The following ESRRG variants were observed in gnomAD, a reference collection of about 807,000 sequenced individuals.
ESRRG encodes estrogen related receptor gamma.
Under a neutral mutation model 44.0 loss-of-function variants are expected in ESRRG, and 13 were observed. The ratio of observed to expected loss-of-function variants is 0.30; its 90% CI spans 0.19 to 0.47. The LOEUF (loss-of-function observed/expected upper bound fraction) is 0.47. ESRRG is among the 20% of genes least tolerant of loss of function. The pLI, the probability that ESRRG is intolerant of heterozygous loss-of-function variation, is 1.00. For synonymous variants in ESRRG, 215 were observed against 214.6 expected (o/e 1.00, Z -0.02); for missense variants, 395 against 580.6 (o/e 0.68, Z 3.29).
At chr1:216,539,300 T>G (rs1458415234) in intron 5 of ESRRG, among the ~76,000 whole-genome samples, 8 of 152,010 alleles carry the variant, frequency 5.3e-5, no homozygotes, top group African/African-American at 1.9e-4. Flanking sequence ...AATTTTCATA[T>G]ATATATATAT....
At chr1:216,776,420 C>A (rs1156825313) in intron 2 of ESRRG, among the ~76,000 whole-genome samples, 5 of 152,044 alleles carry the variant, frequency 3.3e-5, no homozygotes, top group Non-Finnish European at 7.4e-5. Flanking sequence ...CCAAGGATCC[C>A]AACCCTAGCC....
At chr1:217,027,691 A>C (rs528684791) in intron 1 of ESRRG, among the ~76,000 whole-genome samples, 200 of 152,328 alleles carry the variant, frequency 1.3e-3, no homozygotes, top group African/African-American at 4.4e-3. Context: ...CCATGCAAAA[A>C]GAAACTACCC....
chr1:216,504,627 C>G lies in ESRRG; in HGVS notation c.*2312G>C, dbSNP rs1277003602. 1.3e-5 allele frequency: 2 copies of G among 152,504 alleles called. No individual in the cohort carries two copies. The highest frequency in any genetic ancestry group is 2.9e-5 in the Non-Finnish European group (2 of 67,996). The allele number at this position is 152,504 out of a possible 1,614,324, so 9.4% of individuals were successfully genotyped here. On this transcript the variant is annotated 3_prime_UTR_variant, in exon 7 of 7. Transcript: ENST00000408911. ...AACGAATCTGCACCAAAAAGTTTTG[C>G]AACAACACAGAGCGAGTTAATAACA...
intron 1 of ESRRG, among the ~76,000 whole-genome samples, chr1:216,997,838 A>G (rs1212772781): frequency 6.6e-6 from 1 of 152,196 alleles, no homozygotes; most frequent in Non-Finnish European, 1.5e-5. Flanking sequence ...AGGAACCCAA[A>G]TTATTACATT....
intron 2 of ESRRG, among the ~76,000 whole-genome samples, chr1:216,890,931 C>T (rs2057701990): frequency 6.6e-6 from 1 of 152,168 alleles, no homozygotes; most frequent in Non-Finnish European, 1.5e-5. Flanking sequence ...CACCCAACTC[C>T]TGAACCTTCG....
intron 2 of ESRRG, among the ~76,000 whole-genome samples, chr1:216,878,074 G>A (rs1221349196): frequency 1.3e-5 from 2 of 152,214 alleles, no homozygotes; most frequent in Non-Finnish European, 2.9e-5. Flanking sequence ...CAACCTATGT[G>A]AGGAGTCTCA....
intron 2 of ESRRG, chr1:216,805,228 A>G (rs1256263607): frequency 6.6e-6 from 1 of 152,180 alleles, no homozygotes; most frequent in Non-Finnish European, 1.5e-5. Flanking sequence ...GTGACATGCA[A>G]CTGCAGAATC....
intron 2 of ESRRG, among the ~76,000 whole-genome samples, chr1:216,652,174 A>G (rs1167151275): frequency 6.6e-6 from 1 of 152,224 alleles, no homozygotes; most frequent in Non-Finnish European, 1.5e-5. Flanking sequence ...CGGTCCGAGC[A>G]TAATTGCAAT....
chr1:216,587,067 G>C (rs2056795841), intron 3 of ESRRG, among the ~76,000 whole-genome samples: 1 of 151,984 alleles, frequency 6.6e-6, no homozygotes, highest in Non-Finnish European at 1.5e-5. Flanking sequence ...ATATATCTGT[G>C]ATAAAATGAC....
At chr1:216,998,574 T>C (rs1264519848) in intron 1 of ESRRG, among the ~76,000 whole-genome samples, 1 of 152,236 alleles carries the variant, frequency 6.6e-6, no homozygotes, top group Non-Finnish European at 1.5e-5. Flanking sequence ...TATCCCTACA[T>C]AATTTAGCAT....
chr1:216,887,749 C>T (rs1357769866), intron 2 of ESRRG, among the ~76,000 whole-genome samples: 3 of 152,168 alleles, frequency 2.0e-5, no homozygotes, highest in Non-Finnish European at 2.9e-5. Flanking sequence ...TACTCATCAT[C>T]ATTGAACTGT....
chr1:216,627,951 A>G (rs531648123), intron 3 of ESRRG, among the ~76,000 whole-genome samples: 4 of 152,316 alleles, frequency 2.6e-5, no homozygotes, highest in South Asian at 2.1e-4. Context: ...TCACAAAGGC[A>G]TGGGTATGAT....
intron 1 of ESRRG, among the ~76,000 whole-genome samples, chr1:217,079,860 T>A (rs2091609700): frequency 6.6e-6 from 1 of 152,136 alleles, no homozygotes; most frequent in Admixed American, 6.5e-5. Context: ...GTTCCACAAG[T>A]GTTACATATT....
intron 1 of ESRRG, among the ~76,000 whole-genome samples, chr1:217,028,964 A>G (rs1352893189): frequency 6.6e-6 from 1 of 152,226 alleles, no homozygotes; most frequent in Non-Finnish European, 1.5e-5. Flanking sequence ...CTATGCTACA[A>G]CACTGGACCC....
intron 3 of ESRRG, among the ~76,000 whole-genome samples, chr1:216,625,907 C>A (rs950318028): frequency 6.6e-6 from 1 of 152,152 alleles, no homozygotes; most frequent in African/African-American, 2.4e-5. Flanking sequence ...CCCTGTCTTA[C>A]TGTCTCTATC....
At chr1:216,769,098 C>T (rs1048843093) in intron 2 of ESRRG, among the ~76,000 whole-genome samples, 3 of 151,962 alleles carry the variant, frequency 2.0e-5, no homozygotes, top group Non-Finnish European at 4.4e-5. Flanking sequence ...TAAAAGATTG[C>T]CTCCTGACCT....
chr1:216,551,848 T>C lies in ESRRG; in HGVS notation c.862+12371A>G, dbSNP rs751678829. On this transcript the variant is annotated intron_variant, in intron 5 of 6. Coordinates refer to ENST00000408911, the MANE Select transcript of ESRRG (RefSeq NM_001438.4). Reference sequence around the variant, plus strand: ...AATTCATGTTATTTTATCCTTCTGTTGTCTTTACTATTTAGCTCTGCATCA... The same window carrying C: ...AATTCATGTTATTTTATCCTTCTGTCGTCTTTACTATTTAGCTCTGCATCA... Among the ~76,000 whole-genome samples the C allele has an allele frequency of 2.2e-4, 34 of 152,280 alleles. No individual in the cohort carries two copies. The South Asian group carries it at 6.8e-3, about 31-fold the overall frequency.
chr1:217,017,186 T>C, intron 1 of ESRRG, among the ~76,000 whole-genome samples: 1 of 152,148 alleles, frequency 6.6e-6, no homozygotes, highest in East Asian at 1.9e-4. Context: ...CTGTACTATC[T>C]TGTGGAGTAG....
chr1:217,030,148 T>C (rs1303211395), intron 1 of ESRRG, among the ~76,000 whole-genome samples: 2 of 152,166 alleles, frequency 1.3e-5, no homozygotes, highest in African/African-American at 4.8e-5. Context: ...TTTCCCTTTC[T>C]CTTTCTCTTT....
Sources: allele counts gnomAD v4.1 joint callset (sites outside exome capture counted in the v4.1 genomes callset), GRCh38; gene constraint gnomAD v4.1.1; transcripts MANE v1.5; gene names NCBI Gene and HGNC (gene_info 2026-07-23, HGNC 2026-07-21).